The following LBP variants were observed in gnomAD, a reference collection of about 807,000 sequenced individuals.
The protein encoded by LBP is lipopolysaccharide binding protein.
In LBP, 53 loss-of-function variants were observed where a neutral mutation model predicts 56.6. That is an observed-to-expected ratio of 0.94 (90% CI 0.75 to 1.18). The LOEUF (loss-of-function observed/expected upper bound fraction) is 1.18, where lower values mean the gene tolerates loss of function less well. Ranked by LOEUF, LBP falls within the 50% of genes most tolerant of loss-of-function variation. The probability of loss-of-function intolerance (pLI) is 0.00; values close to 1 mark genes in which losing one functional copy is unlikely to be tolerated. For synonymous variants in LBP, 227 were observed against 247.5 expected, an observed-to-expected ratio of 0.92 and a Z score of 0.78; for missense variants, 601 against 598.3, an observed-to-expected ratio of 1.00 and a Z score of -0.05.
In LBP at chr20:38,370,896, C is replaced by A. The variant is rs541945466; in HGVS notation, c.1217+91C>A. The A allele has an allele frequency of 6.9e-5, 75 of 1,079,608 alleles. 2 individuals are homozygous for A. Among genetic ancestry groups the A allele is most frequent in the South Asian group, 2.1e-4 (17 of 79,690 alleles). 66.9% of individuals were successfully genotyped at this position (1,079,608 alleles called of 1,614,324 possible). A position where few individuals can be genotyped will look rare whatever the true frequency, so the allele number is the denominator to read the frequency against. ...CTCTGTAGCTGGTGGGAGGGGGGGCCACCATTTGGAAAGGACACTTACATT... is the reference window on the plus strand; with the variant it reads ...CTCTGTAGCTGGTGGGAGGGGGGGCAACCATTTGGAAAGGACACTTACATT... On this transcript the variant is annotated intron_variant, in intron 11 of 14. Coordinates refer to ENST00000217407, the MANE Select transcript of LBP (RefSeq NM_004139.5).
At chr20:38,346,765 T>C in intron 1 of LBP, 125 bp downstream of exon 1, 1 of 1,331,938 alleles carries the variant, frequency 7.5e-7, no homozygotes. Flanking sequence ...ACCTTCTGGG[T>C]CAGGTGGCTC....
chr20:38,350,681 C>T (rs2076817305), intron 2 of LBP, 130 bp from the exon 3 acceptor site: 2 of 997,654 alleles, frequency 2.0e-6, no homozygotes, highest in Admixed American at 2.5e-5. Context: ...ATGCCTGGGG[C>T]ACAGCAGGTG....
At chr20:38,371,246 C>A in intron 11 of LBP, 34 bp from the exon 12 acceptor site, 20 of 1,596,284 alleles carry the variant, frequency 1.3e-5, no homozygotes, top group Non-Finnish European at 1.7e-5. Context: ...TTGCATAAAG[C>A]CCACACCTTT....
At chr20:38,366,240 C>T (rs1401715370) in intron 8 of LBP, among the ~76,000 whole-genome samples, 1 of 152,144 alleles carries the variant, frequency 6.6e-6, no homozygotes, top group Non-Finnish European at 1.5e-5. Flanking sequence ...CTGATGGCCT[C>T]CTACACCTGC....
intron 14 of LBP, among the ~76,000 whole-genome samples, 191 bp from the exon 15 acceptor site, chr20:38,376,434 G>A (rs549177113): frequency 4.6e-5 from 7 of 152,208 alleles, no homozygotes; most frequent in Non-Finnish European, 8.8e-5. Context: ...TCTCTACCTT[G>A]GAGAAGGTAG....
At chr20:38,364,125 T>G in intron 7 of LBP, 59 bp downstream of exon 7, 2 of 1,143,250 alleles carry the variant, frequency 1.7e-6, no homozygotes, top group Non-Finnish European at 2.6e-6. Context: ...CAGCCATTCT[T>G]TGGGCCACCT....
At chr20:38,366,311 C>G (rs2076881686) in intron 8 of LBP, among the ~76,000 whole-genome samples, 1 of 152,214 alleles carries the variant, frequency 6.6e-6, no homozygotes, top group Non-Finnish European at 1.5e-5. Flanking sequence ...ACGGGCCTCT[C>G]TTTCAATGGG....
intron 14 of LBP, 76 bp downstream of exon 14, chr20:38,374,089 C>A: frequency 7.0e-7 from 1 of 1,435,466 alleles, no homozygotes; most frequent in South Asian, 1.2e-5. Context: ...GGCCATGATT[C>A]ATGGGTGACA....
At chr20:38,368,697 A>G (rs1434717778) in intron 9 of LBP, among the ~76,000 whole-genome samples, 4 of 152,218 alleles carry the variant, frequency 2.6e-5, no homozygotes, top group East Asian at 1.9e-4. Context: ...GGGTGCTCAC[A>G]GGAGGTGGTC....
chr20:38,373,238 C>T (rs1026428821), intron 13 of LBP, 103 bp downstream of exon 13: 48 of 964,850 alleles, frequency 5.0e-5, no homozygotes, highest in Non-Finnish European at 6.9e-5. Context: ...GCTGTATGAC[C>T]GTGGGCAAGT....
At chr20:38,370,027 A>G (rs2076895755) in intron 10 of LBP, among the ~76,000 whole-genome samples, 1 of 152,044 alleles carries the variant, frequency 6.6e-6, no homozygotes, top group African/African-American at 2.4e-5. Context: ...CTGCAATTTA[A>G]TATTGTTGTT....
At chr20:38,355,257 T>C in intron 4 of LBP, 89 bp from the exon 5 acceptor site, 3 of 1,181,636 alleles carry the variant, frequency 2.5e-6, no homozygotes, top group Non-Finnish European at 3.8e-6. Flanking sequence ...GCTCCCTTTG[T>C]GGACTGGCCT....
intron 1 of LBP, among the ~76,000 whole-genome samples, chr20:38,347,525 C>T (rs1243017539): frequency 6.6e-6 from 1 of 152,092 alleles, no homozygotes; most frequent in Non-Finnish European, 1.5e-5. Flanking sequence ...GCCTGGGCAA[C>T]AGAGGGAGAC....
At chr20:38,352,527 G>C (rs1355088965) in intron 3 of LBP, among the ~76,000 whole-genome samples, 1 of 152,258 alleles carries the variant, frequency 6.6e-6, no homozygotes, top group Non-Finnish European at 1.5e-5. Context: ...GGCTGAGGCA[G>C]GTGGATCATT....
rs151232885 is a variant in LBP, at chr20:38,351,467, G to A, written c.368+528G>A. Among the ~76,000 whole-genome samples the A allele has an allele frequency of 3.3e-5, 5 of 152,176 alleles. No individual in the cohort carries two copies. The East Asian group carries it at 9.7e-4, about 30-fold the overall frequency. On this transcript the variant is annotated intron_variant, in intron 3 of 14. Coordinates refer to ENST00000217407, the MANE Select transcript of LBP (RefSeq NM_004139.5). Reference sequence around the variant, plus strand: ...CCATTGGCCAAGGGCTGCTTCCAGGGGCTCTGGCTCTCAGGCACTTTGAAC... The same window carrying A: ...CCATTGGCCAAGGGCTGCTTCCAGGAGCTCTGGCTCTCAGGCACTTTGAAC...
intron 4 of LBP, among the ~76,000 whole-genome samples, chr20:38,354,997 G>T (rs185753781): frequency 1.9e-3 from 286 of 152,332 alleles, no homozygotes; most frequent in Middle Eastern, 0.01. Context: ...TGGGAGGATG[G>T]CTTCAGGCCA....
intron 5 of LBP, among the ~76,000 whole-genome samples, chr20:38,358,150 A>G (rs932944429): frequency 2.0e-5 from 3 of 152,186 alleles, no homozygotes; most frequent in African/African-American, 7.2e-5. Flanking sequence ...CCTGTTCTAG[A>G]TGAAGTCACT....
At chr20:38,374,950 A>ATTTTTTTTTTTTT (rs370110558) in intron 14 of LBP, among the ~76,000 whole-genome samples, 2 of 127,144 alleles carry the variant, frequency 1.6e-5, no homozygotes, top group Non-Finnish European at 1.6e-5. Flanking sequence ...CTCCCAGCTA[A>ATTTTTTTTTTTTT]TTTTTTTTTT....
At chr20:38,367,466 TA>T (rs2076886333) in intron 9 of LBP, among the ~76,000 whole-genome samples, 1 of 152,104 alleles carries the variant, frequency 6.6e-6, no homozygotes, top group African/African-American at 2.4e-5. Context: ...AAAAAATTAT[TA>T]AAAATGTTAG....
Sources: gnomAD v4.1 joint callset for allele counts (sites outside exome capture counted in the v4.1 genomes callset) on GRCh38, gnomAD v4.1.1 for gene constraint, MANE v1.5 for transcripts, NCBI Gene and HGNC (gene_info 2026-07-23, HGNC 2026-07-21) for gene names.